DGKH: variants seen among roughly 807,000 people sequenced by gnomAD.
DGKH encodes diacylglycerol kinase eta.
In DGKH, 90 loss-of-function variants were observed where a neutral mutation model predicts 159.3. The observed-to-expected ratio is 0.57, with a 90% CI of 0.48 to 0.67. The LOEUF (loss-of-function observed/expected upper bound fraction) is 0.67, where lower values mean the gene tolerates loss of function less well. DGKH is among the 30% of genes least tolerant of loss of function. The pLI is 0.00. For synonymous variants in DGKH, 536 were observed against 553.8 expected (o/e 0.97, Z 0.45); for missense variants, 1,181 against 1,506.1 (o/e 0.78, Z 3.57).
chr13:42,157,546 G>A (rs1217942913), intron 5 of DGKH, among the ~76,000 whole-genome samples: 4 of 152,044 alleles, frequency 2.6e-5, no homozygotes, highest in Non-Finnish European at 5.9e-5. Flanking sequence ...CCAGCACTTC[G>A]GGAGGCCAAG....
At chr13:42,106,406 C>G (rs1954756725) in intron 1 of DGKH, among the ~76,000 whole-genome samples, 1 of 152,154 alleles carries the variant, frequency 6.6e-6, no homozygotes, top group African/African-American at 2.4e-5. Flanking sequence ...CTGCCTGGCT[C>G]TGCATACTCT....
At chr13:42,096,999 C>T (rs1057356034) in intron 1 of DGKH, among the ~76,000 whole-genome samples, 8 of 152,204 alleles carry the variant, frequency 5.3e-5, no homozygotes, top group Non-Finnish European at 8.8e-5. Context: ...CATTGTTCCA[C>T]TGAGTTCTAG....
intron 3 of DGKH, among the ~76,000 whole-genome samples, chr13:42,133,995 G>A (rs924897088): frequency 4.6e-5 from 7 of 152,184 alleles, no homozygotes; most frequent in African/African-American, 1.7e-4. Context: ...GGAGGATCCA[G>A]GAATGGCCAA....
intron 1 of DGKH, among the ~76,000 whole-genome samples, chr13:42,086,216 C>T (rs1260644188): frequency 6.6e-6 from 1 of 152,172 alleles, no homozygotes; most frequent in Non-Finnish European, 1.5e-5. Flanking sequence ...CCATGCCCAG[C>T]AAACCTTAAA....
intron 7 of DGKH, among the ~76,000 whole-genome samples, chr13:42,164,735 G>A (rs1776236335): frequency 6.6e-6 from 1 of 152,072 alleles, no homozygotes; most frequent in Admixed American, 6.5e-5. Context: ...CCTGTGATAC[G>A]CATCACTTTC....
Position 42,168,680 on chromosome 13 carries a change from G to A in DGKH, c.1229G>A (p.Cys410Tyr), listed in dbSNP as rs777624667. Reference protein sequence around the residue: ...EIDKLNLNKQCQLGVLPLGTG... With the variant: ...EIDKLNLNKQYQLGVLPLGTG... ...TCACCCTGTTGCACTGTCTTTCAGTGTCAGCTGGGAGTGTTGCCTTTGGGT... is the reference window on the plus strand; with the variant it reads ...TCACCCTGTTGCACTGTCTTTCAGTATCAGCTGGGAGTGTTGCCTTTGGGT... Residue 410 changes from cysteine to tyrosine, a missense_variant and splice_region_variant, in exon 11 of 30, where the codon TGT (cysteine) becomes TAT (tyrosine). This residue lies in a region of DGKH where 369 missense variants were observed against 519.4 expected (regional missense o/e 0.71). Transcript: ENST00000337343. 5 of 1,614,166 alleles carry A rather than the reference G, an allele frequency of 3.1e-6. No individual in the cohort carries two copies. The highest frequency in any genetic ancestry group is 1.6e-4 in the Middle Eastern group (1 of 6,062).
chr13:42,097,325 T>C lies in DGKH; in HGVS notation c.193-30138T>C, dbSNP rs1954559006. ...CCTATCTCCCTATCTCCCCCATTTT[T>C]CATCTTTTTGTCTTTTCATTCACAC... On this transcript the variant is annotated intron_variant, in intron 1 of 29. Coordinates refer to ENST00000337343, the MANE Select transcript of DGKH (RefSeq NM_178009.5). Among the ~76,000 whole-genome samples the C allele has an allele frequency of 2.0e-5, 3 of 152,194 alleles. No homozygotes were observed. In the South Asian group the frequency reaches 6.2e-4, roughly 32 times the overall value.
chr13:42,251,890 T>G (rs1018199314), intron 29 of DGKH, among the ~76,000 whole-genome samples: 1 of 152,252 alleles, frequency 6.6e-6, no homozygotes, highest in Non-Finnish European at 1.5e-5. Context: ...TCTTTCCACT[T>G]AATTAGCTTT....
chr13:42,105,629 G>A (rs1385457781), intron 1 of DGKH, among the ~76,000 whole-genome samples: 1 of 152,184 alleles, frequency 6.6e-6, no homozygotes, highest in Non-Finnish European at 1.5e-5. Flanking sequence ...GTCATAGGAT[G>A]TTGTCCTAAA....
At chr13:42,198,967 C>T (rs12873956) in intron 18 of DGKH, among the ~76,000 whole-genome samples, 18,147 of 152,194 alleles carry the variant, frequency 0.12, 1,540 homozygotes, top group East Asian at 0.4. Flanking sequence ...TTTTGGCCCA[C>T]ACTGATCTCT....
At chr13:42,250,873 G>A (rs1481734275) in intron 29 of DGKH, among the ~76,000 whole-genome samples, 1 of 152,072 alleles carries the variant, frequency 6.6e-6, no homozygotes, top group Non-Finnish European at 1.5e-5. Flanking sequence ...ACTCTAATTA[G>A]CTTAATTATG....
chr13:42,185,718 C>T (rs1053976649), intron 13 of DGKH, among the ~76,000 whole-genome samples: 13 of 151,944 alleles, frequency 8.6e-5, no homozygotes, highest in African/African-American at 2.7e-4. Flanking sequence ...ATATATATTT[C>T]GAGAAATCCC....
At chr13:42,190,352 A>G (rs751934260) in intron 15 of DGKH, 51 bp from the exon 16 acceptor site, 10 of 1,574,154 alleles carry the variant, frequency 6.4e-6, no homozygotes, top group Non-Finnish European at 8.6e-6. Context: ...CTTAATATTA[A>G]TGGGCTTTAT....
At chr13:42,128,584 A>G (rs1955220010) in intron 2 of DGKH, among the ~76,000 whole-genome samples, 2 of 152,194 alleles carry the variant, frequency 1.3e-5, no homozygotes, top group Admixed American at 1.3e-4. Flanking sequence ...TCTGCACTTG[A>G]CAAAGTTCCC....
intron 1 of DGKH, among the ~76,000 whole-genome samples, chr13:42,099,606 G>A (rs1954615154): frequency 6.6e-6 from 1 of 152,216 alleles, no homozygotes; most frequent in Non-Finnish European, 1.5e-5. Context: ...TAGTAAGCAA[G>A]GGTAAAGGCT....
chr13:42,059,439 G>C (rs368299849), intron 1 of DGKH, among the ~76,000 whole-genome samples: 2 of 151,984 alleles, frequency 1.3e-5, no homozygotes, highest in Non-Finnish European at 1.5e-5. Flanking sequence ...TAGTAGAGAC[G>C]GGGTTTCTCT....
intron 1 of DGKH, among the ~76,000 whole-genome samples, chr13:42,082,932 G>C (rs1461129553): frequency 6.6e-6 from 1 of 152,184 alleles, no homozygotes; most frequent in East Asian, 1.9e-4. Context: ...TGAAGAATGT[G>C]AATAATAGTT....
intron 1 of DGKH, chr13:42,070,815 A>C: frequency 7.0e-7 from 1 of 1,424,632 alleles, no homozygotes; most frequent in Non-Finnish European, 9.9e-7. Context: ...AGCCCACATC[A>C]TCTGTTAATT....
intron 14 of DGKH, among the ~76,000 whole-genome samples, chr13:42,187,619 G>A (rs1311108098): frequency 2.0e-5 from 3 of 152,086 alleles, no homozygotes; most frequent in South Asian, 2.1e-4. Context: ...CAGGTGATCC[G>A]TCCACCTCAG....
Sources: gnomAD v4.1 joint callset for allele counts (sites outside exome capture counted in the v4.1 genomes callset) on GRCh38, gnomAD v4.1.1 for gene constraint, gnomAD v4.1.1 regional missense constraint, MANE v1.5 for transcripts, NCBI Gene and HGNC (gene_info 2026-07-23, HGNC 2026-07-21) for gene names.